PDE10A: variants seen among roughly 807,000 people sequenced by gnomAD.
The protein encoded by PDE10A is cAMP and cAMP-inhibited cGMP 3',5'-cyclic phosphodiesterase 10A.
A neutral mutation model predicts 97.7 loss-of-function variants in PDE10A; 39 were observed. That is an observed-to-expected ratio of 0.40 (90% CI 0.31 to 0.52). The LOEUF is 0.52. Ranked by LOEUF, PDE10A falls within the 20% of genes least tolerant of loss-of-function variation. PDE10A has a pLI of 0.56. For synonymous variants in PDE10A, 371 were observed against 376.8 expected (o/e 0.98, Z 0.18); for missense variants, 731 against 1,047.8 (o/e 0.70, Z 4.17).
chr6:165,576,989 T>A (rs1019560195), intron 1 of PDE10A, among the ~76,000 whole-genome samples: 8 of 152,186 alleles, frequency 5.3e-5, no homozygotes, highest in Non-Finnish European at 8.8e-5. Flanking sequence ...CTTCTTCCAA[T>A]GTGCATACCA....
At chr6:165,759,763 G>T (rs1793208201) in intron 1 of PDE10A, among the ~76,000 whole-genome samples, 1 of 152,170 alleles carries the variant, frequency 6.6e-6, no homozygotes, top group Admixed American at 6.5e-5. Context: ...TGAAAACGTG[G>T]AAAACCCCAC....
chr6:165,529,002 T>C (rs1782615066), intron 2 of PDE10A, among the ~76,000 whole-genome samples: 2 of 152,180 alleles, frequency 1.3e-5, no homozygotes, highest in Non-Finnish European at 2.9e-5. Context: ...CCATCACCCC[T>C]AGTGATCCAT....
chr6:165,708,601 G>A (rs1562696284), intron 1 of PDE10A, among the ~76,000 whole-genome samples: 1 of 151,544 alleles, frequency 6.6e-6, no homozygotes, highest in Non-Finnish European at 1.5e-5. Flanking sequence ...AATAGGCCCA[G>A]GGCAAAAACA....
intron 1 of PDE10A, among the ~76,000 whole-genome samples, chr6:165,812,987 T>G (rs1779320380): frequency 6.6e-6 from 1 of 152,216 alleles, no homozygotes; most frequent in African/African-American, 2.4e-5. Flanking sequence ...GGTTTCTGTG[T>G]CTGCTTAGAA....
At chr6:165,542,612 C>CTTTTTTTTTTTTTTTTT (rs545149187) in intron 2 of PDE10A, among the ~76,000 whole-genome samples, 14 of 76,456 alleles carry the variant, frequency 1.8e-4, no homozygotes, top group African/African-American at 6.0e-4. Flanking sequence ...TGTCCTTGTT[C>CTTTTTTTTTTTTTTTTT]TTTTTTTTTT....
chr6:165,498,796 C>CTT (rs921977905), intron 2 of PDE10A, among the ~76,000 whole-genome samples: 4 of 152,154 alleles, frequency 2.6e-5, no homozygotes, highest in African/African-American at 9.7e-5. Context: ...TATCACCTTA[C>CTT]TTTTGAAAAT....
chr6:165,555,318 A>T (rs536259104), intron 1 of PDE10A, among the ~76,000 whole-genome samples: 227 of 152,254 alleles, frequency 1.5e-3, no homozygotes, highest in African/African-American at 5.3e-3. Flanking sequence ...CAACATTTTT[A>T]AAAAATAATT....
rs1791888075 is a variant in PDE10A at position 165,711,213 on chromosome 6, G to C, written c.-614-167645C>G. The stretch of plus-strand genomic sequence containing the variant: ...AAGTTCTACTAAATACACCGTTAGA[G>C]TTGGGAGCAGGGCTCTTCTGAAAAC... On this transcript the variant is annotated intron_variant, in intron 1 of 19. Coordinates refer to the PDE10A transcript ENST00000366882. This position sits in a 1 kb window ranked among gnomAD's most constrained non-coding sequence, Gnocchi z 4.5. Among the ~76,000 whole-genome samples the C allele has an allele frequency of 6.6e-6, 1 of 152,246 alleles. No individual in the cohort carries two copies. Among genetic ancestry groups the C allele is most frequent in the Non-Finnish European group, 1.5e-5 (1 of 68,046 alleles).
chr6:165,431,847 ATTG>A lies in PDE10A; in HGVS notation c.1492-378_1492-376del, dbSNP rs555199592. 5.5e-4 allele frequency among the ~76,000 whole-genome samples: 84 copies of A among 152,150 alleles called. 1 individual carries two copies. Among genetic ancestry groups the A allele is most frequent in the Admixed American group, 5.5e-3 (84 of 15,284 alleles). On this transcript the variant is annotated intron_variant, in intron 7 of 21. Coordinates refer to ENST00000539869, the MANE Select transcript of PDE10A (RefSeq NM_001385079.1). ...TTTGGATAAAATGGAAAACAAACTG[ATTG>A]TTAAGAGAGCTGTAGCCCAATGATT...
chr6:165,368,035 G>A (rs1288501228), intron 18 of PDE10A, among the ~76,000 whole-genome samples: 8 of 152,164 alleles, frequency 5.3e-5, no homozygotes, highest in African/African-American at 1.7e-4. Flanking sequence ...TTGCTCTGTA[G>A]CCCAGACTGG....
intron 1 of PDE10A, among the ~76,000 whole-genome samples, chr6:165,944,232 C>T (rs1783685643): frequency 6.6e-6 from 1 of 152,248 alleles, no homozygotes; most frequent in Non-Finnish European, 1.5e-5. Flanking sequence ...TTACCTCTCA[C>T]TGGTTCCTTC....
intron 1 of PDE10A, chr6:165,894,585 A>G (rs1247929296): frequency 1.3e-5 from 6 of 455,108 alleles, no homozygotes; most frequent in South Asian, 9.3e-5. Flanking sequence ...GAGAAGGACC[A>G]CAACCCTGTA....
intron 1 of PDE10A, among the ~76,000 whole-genome samples, chr6:165,806,292 C>T (rs1405879324): frequency 6.6e-6 from 1 of 152,130 alleles, no homozygotes; most frequent in Non-Finnish European, 1.5e-5. Context: ...ATGGGACCCG[C>T]CTGTCACTGT....
chr6:165,367,706 T>C (rs1562388405), intron 18 of PDE10A, among the ~76,000 whole-genome samples: 2 of 151,262 alleles, frequency 1.3e-5, no homozygotes, highest in African/African-American at 2.4e-5. Flanking sequence ...CTGACTTTTA[T>C]GAAATGATGA....
At chr6:165,572,447 T>C (rs527588808) in intron 1 of PDE10A, among the ~76,000 whole-genome samples, 214 of 152,376 alleles carry the variant, frequency 1.4e-3, no homozygotes, top group Non-Finnish European at 2.6e-3. Flanking sequence ...AATTAGTTTA[T>C]ACCCAGTCAA....
At chr6:165,839,936 T>TTCTTC (rs149203848) in intron 1 of PDE10A, among the ~76,000 whole-genome samples, 36 of 29,028 alleles carry the variant, frequency 1.2e-3, no homozygotes, top group East Asian at 2.2e-3. Flanking sequence ...TCTCCATTCT[T>TTCTTC]ATCTTCATTT....
intron 1 of PDE10A, among the ~76,000 whole-genome samples, chr6:165,558,124 A>G (rs1018188439): frequency 1.3e-5 from 2 of 152,216 alleles, no homozygotes; most frequent in African/African-American, 4.8e-5. Context: ...AAAGGATTAT[A>G]AATCATGCTG....
chr6:165,497,819 C>A lies in PDE10A; in HGVS notation c.995-15476G>T, dbSNP rs375141801. Among the ~76,000 whole-genome samples, 3 of 152,262 alleles carry A rather than the reference C, an allele frequency of 2.0e-5. No homozygotes were observed. In the South Asian group the frequency reaches 6.2e-4, roughly 32 times the overall value. ...AATTTATCTACTGATGCTTTAAGAGCTGTTGAAACATATAAACGTATCTAT... is the reference window on the plus strand; with the variant it reads ...AATTTATCTACTGATGCTTTAAGAGATGTTGAAACATATAAACGTATCTAT... On this transcript the variant is annotated intron_variant, in intron 2 of 21. Transcript: ENST00000539869.
At chr6:165,553,469 T>C (rs1490369066) in intron 1 of PDE10A, among the ~76,000 whole-genome samples, 3 of 152,198 alleles carry the variant, frequency 2.0e-5, no homozygotes, top group Admixed American at 6.5e-5. Flanking sequence ...TAACTATCCT[T>C]GTCCCCAAAT....
Sources: allele counts gnomAD v4.1 joint callset (sites outside exome capture counted in the v4.1 genomes callset), GRCh38; gene constraint gnomAD v4.1.1; non-coding constraint Gnocchi (gnomAD v3.1); transcripts MANE v1.5; gene names NCBI Gene and HGNC (gene_info 2026-07-23, HGNC 2026-07-21).